ZC3H12C: variants seen among roughly 807,000 people sequenced by gnomAD.
ZC3H12C encodes the protein probable ribonuclease ZC3H12C.
In ZC3H12C, 20 loss-of-function variants were observed where a neutral mutation model predicts 76.3. The observed-to-expected ratio is 0.26, with a 90% CI of 0.18 to 0.38. The LOEUF (loss-of-function observed/expected upper bound fraction) is 0.38. Among genes scored for constraint, ZC3H12C ranks in the 10% least tolerant of loss-of-function variants. The pLI is 1.00. For missense variants in ZC3H12C, 874 were observed against 1,086.5 expected (o/e 0.80, Z 2.75); for synonymous variants, 352 against 399.6 (o/e 0.88, Z 1.42).
intron 1 of ZC3H12C, chr11:110,130,916 T>G: frequency 9.7e-7 from 1 of 1,025,784 alleles, no homozygotes; most frequent in Non-Finnish European, 1.4e-6. Flanking sequence ...GGCCAACTAA[T>G]TGTGAGCTTT....
chr11:110,136,679 G>C lies in ZC3H12C; in HGVS notation c.38G>C (p.Cys13Ser). 6.2e-7 allele frequency: 1 copy of C among 1,613,192 alleles called. No individual in the cohort carries two copies. The highest frequency in any genetic ancestry group is 1.1e-5 in the South Asian group (1 of 90,836). Residue 13 changes from cysteine to serine, a missense_variant, in exon 2 of 6, where the codon TGC becomes TCC. Around this residue, in one of 3 missense-constraint regions of ZC3H12C, gnomAD observed 210 missense variants for 227.1 expected, o/e 0.92. Coordinates refer to ENST00000278590, the MANE Select transcript of ZC3H12C (RefSeq NM_033390.2). The part of the protein sequence containing the change: ...GGGSQEYGVL[C>S]IQEYRKNSKV... ...TTTCTCTAGGAATACGGGGTGCTTT[G>C]CATTCAGGAATACAGAAAAAACAGC... is the stretch of plus-strand genomic sequence containing the variant.
intron 1 of ZC3H12C, among the ~76,000 whole-genome samples, chr11:110,128,194 G>C (rs536645392): frequency 2.0e-5 from 3 of 151,596 alleles, no homozygotes; most frequent in Admixed American, 2.0e-4. Context: ...ACAGAGCCCA[G>C]TCCAGCTGTT....
At chr11:110,096,083 A>T (rs1861107206) in intron 1 of ZC3H12C, among the ~76,000 whole-genome samples, 1 of 152,234 alleles carries the variant, frequency 6.6e-6, no homozygotes, top group African/African-American at 2.4e-5. Flanking sequence ...TCATGACTTT[A>T]CAAAGTGAAA....
chr11:110,108,862 T>A (rs6589115), intron 1 of ZC3H12C, among the ~76,000 whole-genome samples: 116,213 of 152,142 alleles, frequency 0.76, 45,506 homozygotes, highest in African/African-American at 0.94. Context: ...TCAAATCAAA[T>A]ATCTAGAAGT....
At chr11:110,144,870 C>T (rs1024484943) in intron 2 of ZC3H12C, among the ~76,000 whole-genome samples, 19 of 152,096 alleles carry the variant, frequency 1.2e-4, no homozygotes, top group Admixed American at 3.3e-4. Flanking sequence ...AATTACTCCC[C>T]GTGTCTATCA....
At position 110,158,639 on chromosome 11, in the gene ZC3H12C, C is replaced by T. The variant is rs1008412686; in HGVS notation, c.914-617C>T. On this transcript the variant is annotated intron_variant, in intron 3 of 5. Coordinates refer to ENST00000278590, the MANE Select transcript of ZC3H12C (RefSeq NM_033390.2). The stretch of plus-strand genomic sequence containing the variant: ...AGTCTGACCCCCACAAGAATGCTGG[C>T]ATTTGTCACCATGTCTCACAGAAAG... Among the ~76,000 whole-genome samples the T allele has an allele frequency of 7.9e-5, 12 of 152,288 alleles. No homozygotes were observed. In the South Asian group the frequency reaches 1.9e-3, roughly 24 times the overall value.
At chr11:110,114,050 G>T (rs1222797678) in intron 1 of ZC3H12C, among the ~76,000 whole-genome samples, 2 of 152,082 alleles carry the variant, frequency 1.3e-5, no homozygotes, top group Non-Finnish European at 2.9e-5. Flanking sequence ...ACTACCAAAG[G>T]TGAAACTCCG....
At position 110,165,806 on chromosome 11, in the gene ZC3H12C, A is replaced by G; in HGVS notation, c.*69A>G. 7.2e-7 allele frequency: 1 copy of G among 1,392,646 alleles called. No homozygotes were observed. The highest frequency in any genetic ancestry group is 9.7e-7 in the Non-Finnish European group (1 of 1,033,588). The allele number at this position is 1,392,646 out of a possible 1,614,324, so 86.3% of individuals were successfully genotyped here. A position where few individuals can be genotyped will look rare whatever the true frequency, so the allele number is the denominator to read the frequency against. On this transcript the variant is annotated 3_prime_UTR_variant, in exon 6 of 6. Coordinates refer to ENST00000278590, the MANE Select transcript of ZC3H12C (RefSeq NM_033390.2). ...TCAAATGCTGAGGGAGGTTTGCTAC[A>G]ATAGCACATGTGATCTCCTTCTCAG... is the stretch of plus-strand genomic sequence containing the variant.
At chr11:110,161,976 C>CA (rs948636176) in intron 4 of ZC3H12C, among the ~76,000 whole-genome samples, 9 of 151,714 alleles carry the variant, frequency 5.9e-5, no homozygotes, top group East Asian at 1.9e-4. Context: ...ACTAAAAATC[C>CA]AAAAAAAATT....
At chr11:110,110,449 CACTTCTGAAT>C (rs1026289407) in intron 1 of ZC3H12C, among the ~76,000 whole-genome samples, 2 of 152,056 alleles carry the variant, frequency 1.3e-5, no homozygotes, top group African/African-American at 2.4e-5. Flanking sequence ...TTTCCAGGAG[CACTTCTGAAT>C]ACTCTCCACC....
intron 1 of ZC3H12C, among the ~76,000 whole-genome samples, chr11:110,119,724 G>T (rs74503657): frequency 0.032 from 4,930 of 152,238 alleles, 159 homozygotes; most frequent in East Asian, 0.086. Context: ...TGGCAGCTTC[G>T]ATGTCTGGTG....
intron 2 of ZC3H12C, among the ~76,000 whole-genome samples, chr11:110,137,777 A>G (rs1462779027): frequency 6.6e-6 from 1 of 152,194 alleles, no homozygotes; most frequent in South Asian, 2.1e-4. Context: ...CAAATGGTCT[A>G]TTTCTTTAGG....
intron 3 of ZC3H12C, among the ~76,000 whole-genome samples, chr11:110,154,521 G>C (rs1250520407): frequency 6.6e-6 from 1 of 152,106 alleles, no homozygotes; most frequent in Non-Finnish European, 1.5e-5. Flanking sequence ...CATTCAACCA[G>C]TAGTACCAAA....
In ZC3H12C at chr11:110,136,749, T is replaced by C. The variant is rs1162877997; in HGVS notation, c.108T>C (p.Asp36=). 3.1e-6 allele frequency: 5 copies of C among 1,613,934 alleles called. No individual in the cohort carries two copies. Among genetic ancestry groups the C allele is most frequent in the Non-Finnish European group, 4.2e-6 (5 of 1,179,878 alleles). Residue 36 remains aspartate (D), a synonymous_variant, in exon 2 of 6, where the codon GAT becomes GAC. Transcript: ENST00000278590. ...GTAACAACTTCATGGGCTTGAAGGA[T>C]CACCTAGGGCATGACCTCGGCCACC... ...STRNNFMGLK[D]HLGHDLGHLY...
In ZC3H12C at chr11:110,165,633, C is replaced by G; in HGVS notation, c.2548C>G (p.Pro850Ala). The change falls in exon 6 of 6, where the codon CCC (proline) becomes GCC (alanine). Residue 850 changes from proline to alanine, a missense_variant. Physicochemically the swap from Pro to Ala is conservative, Grantham distance 27. Coordinates refer to ENST00000278590, the MANE Select transcript of ZC3H12C (RefSeq NM_033390.2). ...TTATATCAATTTGTGCAACATCTTC[C>G]CCCCTGACCTTGTGAGAATTGTCAT... is the stretch of plus-strand genomic sequence containing the variant. ...KIYINLCNIF[P>A]PDLVRIVMKR... The G allele has an allele frequency of 1.3e-6, 2 of 1,599,630 alleles. No individual in the cohort carries two copies. The highest frequency in any genetic ancestry group is 1.7e-6 in the Non-Finnish European group (2 of 1,172,776).
At chr11:110,116,490 T>C (rs1861528394) in intron 1 of ZC3H12C, among the ~76,000 whole-genome samples, 1 of 152,220 alleles carries the variant, frequency 6.6e-6, no homozygotes, top group African/African-American at 2.4e-5. Flanking sequence ...ATGCATTTGA[T>C]TTCTTGGTTC....
rs1862652070 is a variant in ZC3H12C at position 110,170,205 on chromosome 11, A to G, written c.*4468A>G. 1 of 152,226 alleles carries G rather than the reference A, an allele frequency of 6.6e-6. No homozygotes were observed. Among genetic ancestry groups the G allele is most frequent in the Non-Finnish European group, 1.5e-5 (1 of 68,020 alleles). The allele number at this position is 152,226 out of a possible 1,614,324, so 9.4% of individuals were successfully genotyped here. On this transcript the variant is annotated 3_prime_UTR_variant, in exon 6 of 6. Coordinates refer to ENST00000278590, the MANE Select transcript of ZC3H12C (RefSeq NM_033390.2). ...ATATTTCTTGTGTTTAACCACAAAA[A>G]AAAGCACTCTGTTAAAATGTTTTAA...
rs750614233 is a variant in ZC3H12C at position 110,159,325 on chromosome 11, G to A, written c.983G>A (p.Gly328Glu). Reference protein sequence around the residue: ...LVFTPSRRVQGRRVVCYDDRF... With the variant: ...LVFTPSRRVQERRVVCYDDRF... ...TTCACGCCATCCCGGCGAGTCCAGGGGAGGAGAGTGGTGTGCTATGACGAC... is the reference window on the plus strand; with the variant it reads ...TTCACGCCATCCCGGCGAGTCCAGGAGAGGAGAGTGGTGTGCTATGACGAC... Residue 328 changes from glycine to glutamate, a missense_variant, in exon 4 of 6, where the codon GGG (glycine) becomes GAG (glutamate). Physicochemically the swap from Gly to Glu is moderately conservative, Grantham distance 98 (BLOSUM62 -2). Around this residue, in one of 3 missense-constraint regions of ZC3H12C, gnomAD observed 269 missense variants for 424.9 expected, o/e 0.63. Transcript: ENST00000278590. The A allele has an allele frequency of 6.2e-7, 1 of 1,613,992 alleles. No homozygotes were observed. Among genetic ancestry groups the A allele is most frequent in the Non-Finnish European group, 8.5e-7 (1 of 1,179,990 alleles).
chr11:110,154,362 C>A (rs1157055471), intron 3 of ZC3H12C, among the ~76,000 whole-genome samples: 1 of 107,090 alleles, frequency 9.3e-6, no homozygotes, highest in African/African-American at 3.0e-5. Flanking sequence ...ACAGTGAGAC[C>A]CCATCTCAAA....
Sources: allele counts gnomAD v4.1 joint callset (sites outside exome capture counted in the v4.1 genomes callset), GRCh38; gene constraint gnomAD v4.1.1; regional missense constraint gnomAD v4.1.1; transcripts MANE v1.5; gene names NCBI Gene and HGNC (gene_info 2026-07-23, HGNC 2026-07-21).